Variants in CSMD2 observed in about 807,000 individuals in gnomAD.
CSMD2 encodes the protein CUB and sushi domain-containing protein 2.
In CSMD2, 130 loss-of-function variants were observed where a neutral mutation model predicts 398.5. The observed-to-expected ratio is 0.33, with a 90% CI of 0.28 to 0.38. CSMD2 has a LOEUF of 0.38. Ranked by LOEUF, CSMD2 falls within the 10% of genes least tolerant of loss-of-function variation. The pLI, the probability that CSMD2 is intolerant of heterozygous loss-of-function variation, is 1.00. For synonymous variants in CSMD2, 1,828 were observed against 1,908.5 expected, an observed-to-expected ratio of 0.96 and a Z score of 1.10; for missense variants, 3,829 against 4,764.9, an observed-to-expected ratio of 0.80 and a Z score of 5.78.
At chr1:34,124,051 G>A (rs1330449214) in intron 1 of CSMD2, among the ~76,000 whole-genome samples, 1 of 152,170 alleles carries the variant, frequency 6.6e-6, no homozygotes, top group Non-Finnish European at 1.5e-5. Context: ...GTTCCTCAAA[G>A]GCAAAATAAT....
intron 24 of CSMD2, 79 bp downstream of exon 24, chr1:33,698,674 C>A: frequency 7.3e-7 from 1 of 1,376,204 alleles, no homozygotes; most frequent in Non-Finnish European, 9.9e-7. Flanking sequence ...AGCATGGGGT[C>A]TAACTGGAAT....
chr1:34,052,218 TC>T (rs1653264607), intron 2 of CSMD2, among the ~76,000 whole-genome samples: 1 of 151,068 alleles, frequency 6.6e-6, no homozygotes, highest in Non-Finnish European at 1.5e-5. Context: ...ACAGTAGCGT[TC>T]CCCATCTGCA....
chr1:33,596,399 C>T (rs1208884344), intron 44 of CSMD2, among the ~76,000 whole-genome samples: 1 of 152,164 alleles, frequency 6.6e-6, no homozygotes, highest in Non-Finnish European at 1.5e-5. Flanking sequence ...CCCTGACACC[C>T]CGGCCTGGGC....
At chr1:33,742,371 G>A (rs1647097480) in intron 14 of CSMD2, among the ~76,000 whole-genome samples, 1 of 152,204 alleles carries the variant, frequency 6.6e-6, no homozygotes, top group African/African-American at 2.4e-5. Flanking sequence ...CAGTGTTTGT[G>A]GGCATGGAGC....
rs548683907 is a variant in CSMD2 at position 33,823,610 on chromosome 1, A to G, written c.1111+2087T>C. Among the ~76,000 whole-genome samples, 1,072 of 152,132 alleles carry G rather than the reference A, an allele frequency of 7.0e-3. 6 individuals carry two copies. The highest frequency in any genetic ancestry group is 0.024 in the African/African-American group (1,006 of 41,518). ...AGTCACAGGTGGGTGGGTGGTCAGAACTGATGGCAAGGTAGAGAGTTGGGT... is the reference window on the plus strand; with the variant it reads ...AGTCACAGGTGGGTGGGTGGTCAGAGCTGATGGCAAGGTAGAGAGTTGGGT... On this transcript the variant is annotated intron_variant, in intron 7 of 70. Coordinates refer to ENST00000373381, the MANE Select transcript of CSMD2 (RefSeq NM_001281956.2).
chr1:33,750,701 G>A (rs1484108157), intron 13 of CSMD2, among the ~76,000 whole-genome samples: 1 of 152,158 alleles, frequency 6.6e-6, no homozygotes, highest in East Asian at 1.9e-4. Flanking sequence ...TATGATAAAG[G>A]GGGCTTTTGA....
chr1:33,896,289 A>G (rs1239273904), intron 5 of CSMD2, among the ~76,000 whole-genome samples: 1 of 152,032 alleles, frequency 6.6e-6, no homozygotes, highest in Non-Finnish European at 1.5e-5. Context: ...CTCAGCACAG[A>G]CTGTGTTCTC....
intron 5 of CSMD2, chr1:33,870,074 GC>G (rs751876960): frequency 1.3e-5 from 2 of 152,234 alleles, no homozygotes; most frequent in East Asian, 3.9e-4. Context: ...TTATTTGAGG[GC>G]AAAAAATGTC....
chr1:34,104,124 A>G (rs572104121), intron 1 of CSMD2, among the ~76,000 whole-genome samples: 1 of 152,238 alleles, frequency 6.6e-6, no homozygotes, highest in Admixed American at 6.5e-5. Context: ...TTTAAGTCCC[A>G]GTCACATCTT....
intron 57 of CSMD2, among the ~76,000 whole-genome samples, chr1:33,545,728 C>T (rs188291399): frequency 1.9e-4 from 29 of 152,174 alleles, no homozygotes; most frequent in African/African-American, 6.5e-4. Context: ...CATTGTGTCC[C>T]CAGCACATTC....
At position 33,709,239 on chromosome 1, in the gene CSMD2, G is replaced by T; in HGVS notation, c.3426C>A (p.Val1142=). 1 of 1,613,602 alleles carries T rather than the reference G, an allele frequency of 6.2e-7. No individual in the cohort carries two copies. The highest frequency in any genetic ancestry group is 1.3e-5 in the African/African-American group (1 of 75,014). ...PRCVAECGNS[V]TGTQGTLLSP... is the part of the protein sequence containing the mutation. ...ACAGCAAAGTACCCTGAGTGCCTGT[G>T]ACTGAATTCCCACACTCAGCTGGAA... Residue 1142 remains valine (V), a synonymous_variant, in exon 22 of 71, where the codon GTC becomes GTA. Coordinates refer to ENST00000373381, the MANE Select transcript of CSMD2 (RefSeq NM_001281956.2).
At chr1:33,583,861 G>T (rs765176904) in intron 46 of CSMD2, 31 bp from the exon 47 acceptor site, 1 of 1,592,874 alleles carries the variant, frequency 6.3e-7, no homozygotes, top group South Asian at 1.1e-5. Context: ...CACCAAGTAC[G>T]TGGGGGTGGA....
chr1:33,568,171 A>C (rs1308278283), intron 52 of CSMD2, among the ~76,000 whole-genome samples: 1 of 146,248 alleles, frequency 6.8e-6, no homozygotes, highest in Non-Finnish European at 1.5e-5. Context: ...GCCCCCAAAA[A>C]CTCAAACTCA....
intron 13 of CSMD2, among the ~76,000 whole-genome samples, chr1:33,748,380 G>GT (rs1057447276): frequency 6.6e-6 from 1 of 152,182 alleles, no homozygotes; most frequent in African/African-American, 2.4e-5. Context: ...CTTCAGAGTA[G>GT]TGACCAGACT....
intron 2 of CSMD2, among the ~76,000 whole-genome samples, chr1:34,078,417 A>G (rs1303836241): frequency 6.6e-6 from 1 of 152,210 alleles, no homozygotes; most frequent in Non-Finnish European, 1.5e-5. Context: ...AGTTGGCCAC[A>G]GATGAAGTGT....
intron 1 of CSMD2, among the ~76,000 whole-genome samples, chr1:34,103,735 G>A (rs186614646): frequency 5.9e-4 from 84 of 141,616 alleles, no homozygotes; most frequent in Admixed American, 2.0e-3. Context: ...AGGTAATTCC[G>A]GTTATTGCCG....
At chr1:33,679,554 C>G (rs1259314388) in intron 25 of CSMD2, among the ~76,000 whole-genome samples, 1 of 152,080 alleles carries the variant, frequency 6.6e-6, no homozygotes, top group Non-Finnish European at 1.5e-5. Context: ...CCTCAATTTA[C>G]CCCCGTGTAA....
At chr1:34,035,888 G>GCACATTT (rs1310827395) in intron 2 of CSMD2, among the ~76,000 whole-genome samples, 1 of 152,158 alleles carries the variant, frequency 6.6e-6, no homozygotes, top group Non-Finnish European at 1.5e-5. Context: ...TAAGACATAT[G>GCACATTT]CATGGCAAAT....
intron 5 of CSMD2, among the ~76,000 whole-genome samples, chr1:33,865,850 T>C (rs1257566863): frequency 6.6e-6 from 1 of 152,206 alleles, no homozygotes; most frequent in Non-Finnish European, 1.5e-5. Context: ...GATTGTGCTG[T>C]AAGTGTCTGT....
Sources: gnomAD v4.1 joint callset for allele counts (sites outside exome capture counted in the v4.1 genomes callset) on GRCh38, gnomAD v4.1.1 for gene constraint, MANE v1.5 for transcripts, NCBI Gene and HGNC (gene_info 2026-07-23, HGNC 2026-07-21) for gene names.